The following XYLT1 variants were observed in gnomAD, a reference collection of about 807,000 sequenced individuals.
XYLT1 encodes the protein beta-D-xylosyltransferase 1.
A neutral mutation model predicts 91.3 loss-of-function variants in XYLT1; 36 were observed. The observed-to-expected ratio is 0.39, with a 90% CI of 0.30 to 0.52. The LOEUF is 0.52. XYLT1 is among the 20% of genes least tolerant of loss of function. XYLT1 has a pLI of 0.68. For missense variants in XYLT1, 1,242 were observed against 1,284.5 expected (o/e 0.97, Z 0.51); for synonymous variants, 588 against 532.0 (o/e 1.11, Z -1.45).
In XYLT1 at chr16:17,405,626, C is replaced by T. The variant is rs190080198; in HGVS notation, c.364-47576G>A. Among the ~76,000 whole-genome samples, 205 of 152,306 alleles carry T rather than the reference C, an allele frequency of 1.3e-3. 2 individuals carry two copies. Among genetic ancestry groups the T allele is most frequent in the South Asian group, 0.013 (64 of 4,826 alleles). ...CCAGTCTGATGCAAGAACTGAATGA[C>T]GCCCATTCACTGTGGTGCCCTCGTG... is the stretch of plus-strand genomic sequence containing the variant. On this transcript the variant is annotated intron_variant, in intron 1 of 11. Coordinates refer to ENST00000261381, the MANE Select transcript of XYLT1 (RefSeq NM_022166.4).
intron 1 of XYLT1, among the ~76,000 whole-genome samples, chr16:17,389,381 G>A (rs891151864): frequency 2.6e-5 from 4 of 152,172 alleles, no homozygotes; most frequent in African/African-American, 9.6e-5. Flanking sequence ...GAGTAGCGAG[G>A]ACTACAGGTA....
chr16:17,285,662 T>C (rs2034124486), intron 2 of XYLT1, among the ~76,000 whole-genome samples: 1 of 152,200 alleles, frequency 6.6e-6, no homozygotes, highest in Non-Finnish European at 1.5e-5. Context: ...TCACCCTGGC[T>C]TGCATTCAAA....
intron 2 of XYLT1, among the ~76,000 whole-genome samples, chr16:17,336,802 T>G (rs112399696): frequency 0.013 from 1,915 of 152,294 alleles, 35 homozygotes; most frequent in African/African-American, 0.044. Flanking sequence ...TCCCTGCCAG[T>G]GGCTGCCTCT....
intron 2 of XYLT1, among the ~76,000 whole-genome samples, chr16:17,352,299 C>T (rs754293017): frequency 2.2e-4 from 33 of 152,188 alleles, no homozygotes; most frequent in Non-Finnish European, 4.1e-4. Flanking sequence ...CATAACATTG[C>T]TAAGATCTAA....
intron 2 of XYLT1, among the ~76,000 whole-genome samples, chr16:17,271,022 A>C (rs2033880344): frequency 6.6e-6 from 1 of 152,232 alleles, no homozygotes; most frequent in Non-Finnish European, 1.5e-5. Flanking sequence ...ATGAGGTTGC[A>C]AAGTCAGACC....
chr16:17,313,263 G>A (rs759384243), intron 2 of XYLT1, among the ~76,000 whole-genome samples: 1 of 152,232 alleles, frequency 6.6e-6, no homozygotes, highest in African/African-American at 2.4e-5. Context: ...CCAGGAAGCA[G>A]GAAGCTGGGC....
intron 5 of XYLT1, among the ~76,000 whole-genome samples, chr16:17,165,399 G>A (rs768768689): frequency 7.9e-5 from 12 of 152,102 alleles, no homozygotes; most frequent in South Asian, 2.1e-4. Context: ...TAGAATGGGC[G>A]TAGCCAGCTG....
chr16:17,460,728 G>T (rs1217048936), intron 1 of XYLT1, among the ~76,000 whole-genome samples: 1 of 152,150 alleles, frequency 6.6e-6, no homozygotes, highest in Non-Finnish European at 1.5e-5. Flanking sequence ...TGTATTGCCG[G>T]ATCTTATGAC....
intron 10 of XYLT1, among the ~76,000 whole-genome samples, chr16:17,124,260 T>C (rs1001299732): frequency 6.6e-6 from 1 of 152,222 alleles, no homozygotes; most frequent in African/African-American, 2.4e-5. Flanking sequence ...TTTTGGTTTA[T>C]TTTGAGGATT....
rs185899116 is a variant in XYLT1 at position 17,132,406 on chromosome 16, G to C, written c.2027+2067C>G. On this transcript the variant is annotated intron_variant, in intron 9 of 11. Coordinates refer to ENST00000261381, the MANE Select transcript of XYLT1 (RefSeq NM_022166.4). ...GGGTGGCTGTGCAGTGGGAGGCAGTGAGCAAAGAAAATACAGGGAGAGAAC... is the reference window on the plus strand; with the variant it reads ...GGGTGGCTGTGCAGTGGGAGGCAGTCAGCAAAGAAAATACAGGGAGAGAAC... Among the ~76,000 whole-genome samples the C allele has an allele frequency of 2.0e-3, 297 of 152,226 alleles. 5 individuals carry two copies. The highest frequency in any genetic ancestry group is 0.014 in the Middle Eastern group (4 of 294).
At chr16:17,334,888 A>C (rs1315534940) in intron 2 of XYLT1, among the ~76,000 whole-genome samples, 1 of 151,580 alleles carries the variant, frequency 6.6e-6, no homozygotes, top group Non-Finnish European at 1.5e-5. Flanking sequence ...ATCTCAAAAA[A>C]CAAAAACAAA....
intron 2 of XYLT1, among the ~76,000 whole-genome samples, chr16:17,316,854 C>T (rs1284919604): frequency 2.0e-5 from 3 of 149,694 alleles, no homozygotes; most frequent in Non-Finnish European, 4.4e-5. Context: ...CGGAGTCTCG[C>T]TCTGTCGCCC....
At chr16:17,220,787 A>T (rs915368356) in intron 3 of XYLT1, among the ~76,000 whole-genome samples, 10 of 152,222 alleles carry the variant, frequency 6.6e-5, no homozygotes, top group Non-Finnish European at 1.5e-4. Context: ...TTAACTTCTG[A>T]TGCTCTTCCT....
intron 1 of XYLT1, among the ~76,000 whole-genome samples, chr16:17,437,585 C>T (rs1298600424): frequency 6.6e-6 from 1 of 152,136 alleles, no homozygotes; most frequent in Non-Finnish European, 1.5e-5. Context: ...TCTTGAAACG[C>T]CACCCTGCAC....
chr16:17,119,471 G>T (rs755082053), intron 10 of XYLT1, among the ~76,000 whole-genome samples: 155 of 152,322 alleles, frequency 1.0e-3, no homozygotes, highest in Admixed American at 1.8e-3. Context: ...GTGCACGAAG[G>T]TCGGGTGTGG....
intron 5 of XYLT1, among the ~76,000 whole-genome samples, chr16:17,187,949 G>A (rs2032222152): frequency 1.3e-5 from 2 of 151,960 alleles, no homozygotes; most frequent in African/African-American, 4.8e-5. Flanking sequence ...TCTCACGCTT[G>A]CTTCTCTGTT....
intron 11 of XYLT1, among the ~76,000 whole-genome samples, chr16:17,116,418 A>G (rs1333333205): frequency 6.6e-6 from 1 of 152,240 alleles, no homozygotes; most frequent in African/African-American, 2.4e-5. Context: ...TGAACTTGAC[A>G]TAAATACATC....
intron 3 of XYLT1, among the ~76,000 whole-genome samples, chr16:17,245,086 C>T (rs1236760050): frequency 6.6e-6 from 1 of 152,142 alleles, no homozygotes; most frequent in African/African-American, 2.4e-5. Context: ...CAAAAATGTA[C>T]ACACAAGTGC....
chr16:17,379,247 A>G (rs981425134), intron 1 of XYLT1, among the ~76,000 whole-genome samples: 1 of 152,234 alleles, frequency 6.6e-6, no homozygotes, highest in African/African-American at 2.4e-5. Flanking sequence ...TGCTAACTTC[A>G]GTTAGCTCAC....
Sources: gnomAD v4.1 joint callset for allele counts (sites outside exome capture counted in the v4.1 genomes callset) on GRCh38, gnomAD v4.1.1 for gene constraint, MANE v1.5 for transcripts, NCBI Gene and HGNC (gene_info 2026-07-23, HGNC 2026-07-21) for gene names.